The following FBXL13 variants were observed in gnomAD, a reference collection of about 807,000 sequenced individuals.
FBXL13 encodes F-box and leucine-rich repeat protein 13.
FBXL13 carries 67 observed loss-of-function variants against 83.6 expected under a neutral mutation model. The ratio of observed to expected loss-of-function variants is 0.80; its 90% confidence interval spans 0.66 to 0.98. The LOEUF (loss-of-function observed/expected upper bound fraction) is 0.98. FBXL13 is among the 50% of genes least tolerant of loss of function. The probability of loss-of-function intolerance (pLI) is 0.00; values close to 1 mark genes in which losing one functional copy is unlikely to be tolerated. For missense variants in FBXL13, 822 were observed against 866.5 expected (o/e 0.95, Z 0.64); for synonymous variants, 272 against 299.5 (o/e 0.91, Z 0.95).
At chr7:102,884,673 A>C (rs1474360248) in intron 11 of FBXL13, among the ~76,000 whole-genome samples, 2 of 152,170 alleles carry the variant, frequency 1.3e-5, no homozygotes, top group Non-Finnish European at 2.9e-5. Flanking sequence ...ATTAAAAAAA[A>C]TTAACCACTT....
At chr7:102,968,920 T>C (rs1395156086) in intron 6 of FBXL13, among the ~76,000 whole-genome samples, 4 of 152,230 alleles carry the variant, frequency 2.6e-5, no homozygotes, top group African/African-American at 9.6e-5. Flanking sequence ...CAGTCAATGA[T>C]GGGATGCATG....
chr7:102,826,559 A>C (rs1201488700), intron 18 of FBXL13, among the ~76,000 whole-genome samples: 2 of 150,910 alleles, frequency 1.3e-5, no homozygotes, highest in African/African-American at 2.4e-5. Flanking sequence ...AACATGGTGA[A>C]ACCCCATATC....
chr7:102,900,312 C>T (rs1417884216), intron 11 of FBXL13, among the ~76,000 whole-genome samples: 1 of 152,164 alleles, frequency 6.6e-6, no homozygotes, highest in Non-Finnish European at 1.5e-5. Context: ...TTTTATTCAT[C>T]GCAGTGCCCA....
chr7:103,074,147 G>T, intron 1 of FBXL13: 1 of 780,772 alleles, frequency 1.3e-6, no homozygotes, highest in Non-Finnish European at 1.6e-6. Context: ...CTTCACAAAG[G>T]GCTGACTACA....
At chr7:103,052,796 G>A (rs182652884) in intron 2 of FBXL13, among the ~76,000 whole-genome samples, 1,646 of 141,540 alleles carry the variant, frequency 0.012, 34 homozygotes, top group African/African-American at 0.042. Flanking sequence ...CATTCTGGTC[G>A]CCCAGGCTGG....
intron 16 of FBXL13, among the ~76,000 whole-genome samples, chr7:102,871,270 C>T (rs552354220): frequency 3.2e-4 from 49 of 152,266 alleles, no homozygotes; most frequent in African/African-American, 1.2e-3. Context: ...CAGATTCTAA[C>T]TCAATCTGAT....
At chr7:102,894,006 AAAG>A (rs1041723232) in intron 11 of FBXL13, among the ~76,000 whole-genome samples, 10 of 144,050 alleles carry the variant, frequency 6.9e-5, no homozygotes, top group African/African-American at 2.5e-4. Context: ...AGAGGAAAGA[AAAG>A]AAAGAGGAAA....
intron 2 of FBXL13, among the ~76,000 whole-genome samples, chr7:103,039,072 G>A (rs1795383108): frequency 6.6e-6 from 1 of 152,086 alleles, no homozygotes; most frequent in African/African-American, 2.4e-5. Flanking sequence ...TAAAAATCTT[G>A]AAAAAAGATT....
chr7:103,026,454 A>G (rs188095774), intron 5 of FBXL13, among the ~76,000 whole-genome samples: 145 of 152,334 alleles, frequency 9.5e-4, no homozygotes, highest in African/African-American at 3.1e-3. Context: ...GGTGGAAAGC[A>G]GTGAATGAGC....
intron 10 of FBXL13, among the ~76,000 whole-genome samples, chr7:102,924,238 C>CAAAA (rs564121170): frequency 1.8e-5 from 1 of 54,392 alleles, no homozygotes; most frequent in Non-Finnish European, 3.8e-5. Context: ...AACTCCGTCT[C>CAAAA]AAAAAAAAAA....
At chr7:103,030,736 AT>A (rs1274731184) in intron 2 of FBXL13, among the ~76,000 whole-genome samples, 2 of 152,200 alleles carry the variant, frequency 1.3e-5, no homozygotes, top group African/African-American at 2.4e-5. Context: ...AGCAAATACC[AT>A]TTGAACTCAA....
intron 17 of FBXL13, among the ~76,000 whole-genome samples, chr7:102,851,474 T>C: frequency 8.5e-6 from 1 of 117,108 alleles, no homozygotes; most frequent in Admixed American, 8.7e-5. Flanking sequence ...CCTCCCTTCC[T>C]TTCTTCCCTT....
Position 102,963,008 on chromosome 7 carries a change from A to T in FBXL13, c.724+525T>A, listed in dbSNP as rs866865074. Among the ~76,000 whole-genome samples the T allele has an allele frequency of 5.1e-4, 72 of 141,126 alleles. 1 individual carries two copies. The highest frequency in any genetic ancestry group is 1.5e-3 in the African/African-American group (59 of 38,508). The allele number at this position is 141,126 out of a possible 152,430, so 92.6% of individuals were successfully genotyped here. ...AAAAATATATATATATATATATATA[A>T]AAAAAAAAAAAAGAATAGACCAAGA... is the stretch of plus-strand genomic sequence containing the variant. On this transcript the variant is annotated intron_variant, in intron 8 of 19. Transcript: ENST00000313221.
intron 6 of FBXL13, among the ~76,000 whole-genome samples, chr7:103,000,989 G>A: frequency 6.6e-6 from 1 of 152,118 alleles, no homozygotes; most frequent in East Asian, 1.9e-4. Context: ...CTGTTACCCA[G>A]GCTGGAGTGC....
At chr7:102,842,909 A>C (rs1803215201) in intron 17 of FBXL13, among the ~76,000 whole-genome samples, 1 of 152,248 alleles carries the variant, frequency 6.6e-6, no homozygotes, top group African/African-American at 2.4e-5. Context: ...ACCAAAAGTC[A>C]AATGAACAGC....
At chr7:103,042,598 C>CTGGTACCAAAACAGA (rs1795842209) in intron 2 of FBXL13, among the ~76,000 whole-genome samples, 1 of 151,948 alleles carries the variant, frequency 6.6e-6, no homozygotes, top group Non-Finnish European at 1.5e-5. Flanking sequence ...ACCAAAACAG[C>CTGGTACCAAAACAGA]ATGGTACTGG....
intron 18 of FBXL13, 116 bp from the exon 20 acceptor site, chr7:102,822,319 A>G: frequency 1.0e-6 from 1 of 963,710 alleles, no homozygotes; most frequent in Non-Finnish European, 1.6e-6. Flanking sequence ...CTTAAACATC[A>G]AACATTTATT....
chr7:102,917,385 T>C (rs1389721076), intron 10 of FBXL13, among the ~76,000 whole-genome samples: 1 of 152,184 alleles, frequency 6.6e-6, no homozygotes, highest in Non-Finnish European at 1.5e-5. Context: ...AAGATCATAA[T>C]AGCTTTACTC....
chr7:102,936,024 C>A (rs1265644326), intron 8 of FBXL13, among the ~76,000 whole-genome samples: 2 of 152,044 alleles, frequency 1.3e-5, no homozygotes, highest in African/African-American at 2.4e-5. Context: ...CCTTGCCCCA[C>A]TGCCCCGCTC....
Sources: allele counts gnomAD v4.1 joint callset (sites outside exome capture counted in the v4.1 genomes callset), GRCh38; gene constraint gnomAD v4.1.1; transcripts MANE v1.5; gene names NCBI Gene and HGNC (gene_info 2026-07-23, HGNC 2026-07-21).